Variants in NUP210L observed in about 807,000 individuals in gnomAD.
NUP210L encodes nucleoporin 210 like, also known as nuclear pore membrane glycoprotein 210-like.
A neutral mutation model predicts 208.5 loss-of-function variants in NUP210L; 74 were observed. The observed-to-expected ratio is 0.35, with a 90% CI of 0.29 to 0.43. NUP210L has a LOEUF of 0.43. Ranked by LOEUF, NUP210L falls within the 20% of genes least tolerant of loss-of-function variation. The pLI is 1.00. For synonymous variants in NUP210L, 780 were observed against 816.9 expected, an observed-to-expected ratio of 0.95 and a Z score of 0.77; for missense variants, 1,843 against 2,289.4, an observed-to-expected ratio of 0.81 and a Z score of 3.98.
At chr1:153,992,910 G>A (rs1649548619) in exon 40 of NUP210L, 1 of 1,612,946 alleles carries the variant, frequency 6.2e-7, no homozygotes. Context: ...TGAAGTGAGG[G>A]GGAGAACTTG....
chr1:154,006,829 T>TATATATATATATATGTATATATATAA, intron 35 of NUP210L, among the ~76,000 whole-genome samples: 1 of 138,062 alleles, frequency 7.2e-6, no homozygotes, highest in Non-Finnish European at 1.5e-5. Context: ...TATATATATA[T>TATATATATATATATGTATATATATAA]ATATATATAT....
chr1:154,122,552 G>A (rs1657666260), intron 10 of NUP210L, among the ~76,000 whole-genome samples: 1 of 152,094 alleles, frequency 6.6e-6, no homozygotes, highest in Non-Finnish European at 1.5e-5. Flanking sequence ...GCTACTCAGA[G>A]GCTGAGGCAG....
chr1:154,072,694 G>A (rs1329090352), intron 16 of NUP210L, among the ~76,000 whole-genome samples: 1 of 152,114 alleles, frequency 6.6e-6, no homozygotes, highest in African/African-American at 2.4e-5. Context: ...TTAACGAATG[G>A]TACTGGGATA....
At chr1:154,141,561 C>A (rs764769995) in intron 3 of NUP210L, 37 bp from the exon 4 acceptor site, 1 of 1,236,726 alleles carries the variant, frequency 8.1e-7, no homozygotes, top group East Asian at 2.3e-5. Flanking sequence ...GATAGGATCA[C>A]GTATTTAAAA....
At chr1:154,038,106 T>C (rs1232703017) in intron 27 of NUP210L, among the ~76,000 whole-genome samples, 1 of 152,110 alleles carries the variant, frequency 6.6e-6, no homozygotes, top group Non-Finnish European at 1.5e-5. Context: ...TTTTAATTTC[T>C]TGCATTTTAT....
intron 27 of NUP210L, among the ~76,000 whole-genome samples, chr1:154,032,894 C>T (rs1230953592): frequency 6.6e-6 from 1 of 150,376 alleles, no homozygotes; most frequent in African/African-American, 2.5e-5. Flanking sequence ...CTCCAGATTG[C>T]GCCACTGCAC....
chr1:154,022,041 T>C, intron 32 of NUP210L, 85 bp downstream of exon 32: 1 of 1,252,936 alleles, frequency 8.0e-7, no homozygotes, highest in Non-Finnish European at 1.2e-6. Context: ...GTCCAAGGGA[T>C]TAATAACTGC....
In NUP210L at chr1:154,012,252, T is replaced by G. The variant is rs200102167; in HGVS notation, c.4772A>C (p.Asn1591Thr). 8.7e-6 allele frequency: 14 copies of G among 1,613,648 alleles called. No homozygotes were observed. In the African/African-American group the frequency reaches 1.9e-4, roughly 22 times the overall value. ...ATGAAGAGATTCCTGACCTTTAAGATTGACACCATTTCTGCCAGTGGTGAT... is the reference window on the plus strand; with the variant it reads ...ATGAAGAGATTCCTGACCTTTAAGAGTGACACCATTTCTGCCAGTGGTGAT... The change falls in exon 34 of 40, where the codon AAT (asparagine) becomes ACT (threonine). Residue 1591 changes from asparagine to threonine, a missense_variant. By Grantham distance (65) the Asn-to-Thr change is moderately conservative. Around this residue, in one of 5 missense-constraint regions of NUP210L, gnomAD observed 781 missense variants for 973.8 expected, o/e 0.80. Coordinates refer to ENST00000368559, the Ensembl canonical transcript of NUP210L.
chr1:154,047,256 G>A (rs1039319319), intron 25 of NUP210L, among the ~76,000 whole-genome samples: 4 of 151,814 alleles, frequency 2.6e-5, no homozygotes, highest in Admixed American at 6.5e-5. Context: ...AGTATAATTG[G>A]ATTGTCTGTA....
At chr1:154,006,962 A>G (rs1381375730) in intron 35 of NUP210L, among the ~76,000 whole-genome samples, 21 of 115,998 alleles carry the variant, frequency 1.8e-4, no homozygotes, top group Middle Eastern at 4.2e-3. Context: ...ATATATATAT[A>G]TATATTTTTT....
At chr1:154,039,083 T>C (rs889601982) in intron 27 of NUP210L, among the ~76,000 whole-genome samples, 2 of 152,190 alleles carry the variant, frequency 1.3e-5, no homozygotes, top group Admixed American at 6.6e-5. Flanking sequence ...GTTTTCTGTG[T>C]ACTTACTATT....
At chr1:154,144,388 T>C (rs1324379526) in intron 2 of NUP210L, among the ~76,000 whole-genome samples, 1 of 152,186 alleles carries the variant, frequency 6.6e-6, no homozygotes, top group Non-Finnish European at 1.5e-5. Context: ...ATCAATAAAC[T>C]TTTCTGTCTC....
At chr1:154,049,353 A>G (rs921304729) in intron 25 of NUP210L, among the ~76,000 whole-genome samples, 6 of 152,190 alleles carry the variant, frequency 3.9e-5, no homozygotes, top group African/African-American at 1.4e-4. Flanking sequence ...TCAACATATG[A>G]TGCATGAAAT....
At chr1:154,043,921 C>A (rs1405231474) in intron 27 of NUP210L, among the ~76,000 whole-genome samples, 1 of 151,952 alleles carries the variant, frequency 6.6e-6, no homozygotes, top group African/African-American at 2.4e-5. Context: ...CTTTCTATTG[C>A]CCATTTCATT....
intron 11 of NUP210L, among the ~76,000 whole-genome samples, chr1:154,118,170 G>A (rs1252793980): frequency 6.6e-6 from 1 of 152,034 alleles, no homozygotes; most frequent in African/African-American, 2.4e-5. Flanking sequence ...TTAGCTGGGA[G>A]TGGTGGCACA....
intron 10 of NUP210L, among the ~76,000 whole-genome samples, 194 bp from the exon 11 acceptor site, chr1:154,119,002 G>GAAATAATAATGAAAATT (rs1553238844): frequency 6.6e-6 from 1 of 151,988 alleles, no homozygotes; most frequent in African/African-American, 2.4e-5. Context: ...TAATGAAAAT[G>GAAATAATAATGAAAATT]AAATAATAAT....
chr1:154,060,842 A>G, intron 19 of NUP210L, 100 bp downstream of exon 19: 1 of 867,864 alleles, frequency 1.2e-6, no homozygotes, highest in Non-Finnish European at 1.8e-6. Flanking sequence ...TGTATCAATT[A>G]TTTTCAACAC....
At chr1:153,994,868 C>G (rs989898476) in intron 38 of NUP210L, among the ~76,000 whole-genome samples, 3 of 151,468 alleles carry the variant, frequency 2.0e-5, no homozygotes, top group African/African-American at 7.3e-5. Context: ...AAAAATTAGT[C>G]GGGAGCAGTG....
In NUP210L at chr1:154,127,261, T is replaced by C. The variant is rs186335022; in HGVS notation, c.1185+50A>G. On this transcript the variant is annotated intron_variant, in intron 9 of 39. Coordinates refer to ENST00000368559, the Ensembl canonical transcript of NUP210L. The stretch of plus-strand genomic sequence containing the variant: ...GGAAGATGGTCCACTTTACATCTTA[T>C]GTATCTTATCCCTACAAGGAGCTCA... 9.6e-6 allele frequency: 8 copies of C among 834,738 alleles called. No individual in the cohort carries two copies. The East Asian group carries it at 1.6e-4, about 16-fold the overall frequency. The allele number at this position is 834,738 out of a possible 1,614,324, so 51.7% of individuals were successfully genotyped here.
Sources: gnomAD v4.1 joint callset for allele counts (sites outside exome capture counted in the v4.1 genomes callset) on GRCh38, gnomAD v4.1.1 for gene constraint, gnomAD v4.1.1 regional missense constraint, MANE v1.5 for transcripts, NCBI Gene and HGNC (gene_info 2026-07-23, HGNC 2026-07-21) for gene names.